The following CREBZF variants were observed in gnomAD, a reference collection of about 807,000 sequenced individuals.
CREBZF encodes CREB/ATF bZIP transcription factor.
A neutral mutation model predicts 21.1 loss-of-function variants in CREBZF; 8 were observed. The observed-to-expected ratio is 0.38, with a 90% CI of 0.22 to 0.68. The LOEUF is 0.68. Ranked by LOEUF, CREBZF falls within the 30% of genes least tolerant of loss-of-function variation. CREBZF has a pLI of 0.51. For missense variants in CREBZF, 518 were observed against 484.3 expected, an observed-to-expected ratio of 1.07 and a Z score of -0.65; for synonymous variants, 270 against 223.3, an observed-to-expected ratio of 1.21 and a Z score of -1.86.
At chr11:85,675,386 C>T (rs1287429408) in intron 1 of CREBZF, among the ~76,000 whole-genome samples, 1 of 152,098 alleles carries the variant, frequency 6.6e-6, no homozygotes, top group Non-Finnish European at 1.5e-5. Flanking sequence ...ATTGTTGTGT[C>T]TCAGGAATAA....
rs971779570 is a variant in CREBZF at position 85,658,819 on chromosome 11, T to C, written c.*4992A>G. Among the ~76,000 whole-genome samples, 4 of 152,036 alleles carry C rather than the reference T, an allele frequency of 2.6e-5. No homozygotes were observed. Among genetic ancestry groups the C allele is most frequent in the African/African-American group, 9.7e-5 (4 of 41,428 alleles). On this transcript the variant is annotated 3_prime_UTR_variant, in exon 1 of 1. Coordinates refer to ENST00000527447, the MANE Select transcript of CREBZF (RefSeq NM_001039618.4). ...CTAAAGGAAGTTGAGATAAATAAAA[T>C]TCAAATCAGTGTATTAACAGAACTA...
At chr11:85,676,712 C>T (rs1591492055) in intron 1 of CREBZF, among the ~76,000 whole-genome samples, 2 of 151,754 alleles carry the variant, frequency 1.3e-5, no homozygotes, top group African/African-American at 2.4e-5. Context: ...ACATGGCTCA[C>T]TGCAGCCTCG....
intron 1 of CREBZF, among the ~76,000 whole-genome samples, chr11:85,682,096 G>C (rs1051844967): frequency 1.3e-5 from 2 of 152,190 alleles, no homozygotes; most frequent in Non-Finnish European, 2.9e-5. Flanking sequence ...GACAGCAACA[G>C]TGAGCATTAA....
Position 85,660,532 on chromosome 11 carries a change from T to A in CREBZF, c.*3279A>T. On this transcript the variant is annotated 3_prime_UTR_variant, in exon 1 of 1. Transcript: ENST00000527447. ...ACCGACATGGTTCTCACAATTACTT[T>A]GTTACCAACAGTCCAGTCAGTTAAC... The A allele has an allele frequency of 2.3e-6, 1 of 434,680 alleles. No individual in the cohort carries two copies. Among genetic ancestry groups the A allele is most frequent in the African/African-American group, 2.1e-5 (1 of 48,388 alleles). 26.9% of individuals were successfully genotyped at this position (434,680 alleles called of 1,614,324 possible).
rs562471032 is a variant in CREBZF, at chr11:85,665,114, G to T, written c.-239C>A. The stretch of plus-strand genomic sequence containing the variant: ...GACTCGACCGCGCCACCCAGACAAC[G>T]GCGTAGCCGGAAGTCAGTGGTTTTC... On this transcript the variant is annotated 5_prime_UTR_variant, in exon 1 of 1. Transcript: ENST00000527447. The T allele has an allele frequency of 1.2e-5, 5 of 416,590 alleles. No individual in the cohort carries two copies. The highest frequency in any genetic ancestry group is 1.2e-4 in the South Asian group (1 of 8,664). The allele number at this position is 416,590 out of a possible 1,614,324, so 25.8% of individuals were successfully genotyped here.
chr11:85,660,286 A>G lies in CREBZF; in HGVS notation c.*3525T>C. The G allele has an allele frequency of 5.6e-6, 1 of 179,240 alleles. No homozygotes were observed. Among genetic ancestry groups the G allele is most frequent in the Non-Finnish European group, 1.2e-5 (1 of 84,146 alleles). 11.1% of individuals were successfully genotyped at this position (179,240 alleles called of 1,614,324 possible). On this transcript the variant is annotated 3_prime_UTR_variant, in exon 1 of 1. Coordinates refer to ENST00000527447, the MANE Select transcript of CREBZF (RefSeq NM_001039618.4). ...ATACTGTAATTCTCCAAAGGTTACA[A>G]TTTTGTAAAGATATGCAATAACTGA...
In CREBZF at chr11:85,664,855, C is replaced by T. The variant is rs1318377433; in HGVS notation, c.21G>A (p.Lys7=). MRHSLT[K]LLAASGSNSP... ...AGTTGCTGCCCGAGGCTGCCAGCAG[C>T]TTGGTCAGGCTATGCCTCATGAGGG... Residue 7 remains lysine, a synonymous_variant, in exon 1 of 1, where the codon AAG becomes AAA. Transcript: ENST00000527447. The surrounding 1 kb of genome is among the most constrained non-coding windows in gnomAD (Gnocchi z 5.5). The T allele has an allele frequency of 2.0e-6, 3 of 1,520,554 alleles. No homozygotes were observed. Among genetic ancestry groups the T allele is most frequent in the African/African-American group, 2.8e-5 (2 of 71,806 alleles). The allele number at this position is 1,520,554 out of a possible 1,614,324, so 94.2% of individuals were successfully genotyped here.
At position 85,682,733 on chromosome 11, in the gene CREBZF, C is replaced by T. The variant is rs2082985546; in HGVS notation, n.131G>A. On this transcript the variant is annotated non_coding_transcript_exon_variant, in exon 1 of 4. Coordinates refer to the CREBZF transcript ENST00000531515. ...GATTCATACCCAAACGGCCCTCAGC[C>T]CGCTTCCAGAACCGTCCGGCCTCTG... 8.6e-6 allele frequency: 6 copies of T among 696,874 alleles called. No individual in the cohort carries two copies. The African/African-American group carries it at 8.8e-5, about 10-fold the overall frequency. 43.2% of individuals were successfully genotyped at this position (696,874 alleles called of 1,614,324 possible).
intron 1 of CREBZF, among the ~76,000 whole-genome samples, chr11:85,674,231 T>C (rs1742939543): frequency 6.6e-6 from 1 of 152,240 alleles, no homozygotes. Context: ...ATTTCAAAGT[T>C]GAAGTAACTC....
At chr11:85,678,750 G>T (rs1375629849) in intron 1 of CREBZF, among the ~76,000 whole-genome samples, 1 of 152,120 alleles carries the variant, frequency 6.6e-6, no homozygotes, top group Non-Finnish European at 1.5e-5. Context: ...CTTCCTTACT[G>T]AAGATTTTAG....
In CREBZF at chr11:85,658,102, A is replaced by G. The variant is rs769786838; in HGVS notation, c.*5709T>C. 6.6e-6 allele frequency among the ~76,000 whole-genome samples: 1 copy of G among 152,048 alleles called. No individual in the cohort carries two copies. The highest frequency in any genetic ancestry group is 1.5e-5 in the Non-Finnish European group (1 of 67,870). On this transcript the variant is annotated 3_prime_UTR_variant, in exon 1 of 1. Coordinates refer to ENST00000527447, the MANE Select transcript of CREBZF (RefSeq NM_001039618.4). Reference sequence around the variant, plus strand: ...ATATTCTGTCACTTTTACTAAAAGCAGAGTTCTACTCATCCCAGTGAAAAA... The same window carrying G: ...ATATTCTGTCACTTTTACTAAAAGCGGAGTTCTACTCATCCCAGTGAAAAA...
chr11:85,675,532 T>C (rs1039028836), intron 1 of CREBZF, among the ~76,000 whole-genome samples: 3 of 152,020 alleles, frequency 2.0e-5, no homozygotes, highest in Non-Finnish European at 4.4e-5. Context: ...ACAATAGTAG[T>C]ATGAAAGATC....
chr11:85,664,422 C>T lies in CREBZF; in HGVS notation c.454G>A (p.Ala152Thr), dbSNP rs368639707. Reference sequence around the variant, plus strand: ...GAGAAGCGCTGCATTTCAGCAGCCGCGGCCTCATCGTCATCGTCCCCTCTC... The same window carrying T: ...GAGAAGCGCTGCATTTCAGCAGCCGTGGCCTCATCGTCATCGTCCCCTCTC... ...LWRGDDDDEA[A>T]AAEMQRFSDL... is the part of the protein sequence containing the mutation. The change falls in exon 1 of 1, where the codon GCG (alanine) becomes ACG (threonine). Residue 152 changes from alanine to threonine, a missense_variant. Physicochemically the swap from Ala to Thr is moderately conservative, Grantham distance 58. This residue lies in a region of CREBZF where 396 missense variants were observed against 324.4 expected (regional missense o/e 1.22). Transcript: ENST00000527447. The surrounding 1 kb of genome is among the most constrained non-coding windows in gnomAD (Gnocchi z 5.5). 7 of 1,613,650 alleles carry T rather than the reference C, an allele frequency of 4.3e-6. No homozygotes were observed. The highest frequency in any genetic ancestry group is 2.7e-5 in the African/African-American group (2 of 74,926).
chr11:85,665,005 C>A lies in CREBZF; in HGVS notation c.-130G>T. 1 of 577,100 alleles carries A rather than the reference C, an allele frequency of 1.7e-6. No individual in the cohort carries two copies. The highest frequency in any genetic ancestry group is 5.6e-5 in the South Asian group (1 of 17,878). The allele number at this position is 577,100 out of a possible 1,614,324, so 35.7% of individuals were successfully genotyped here. A position where few individuals can be genotyped will look rare whatever the true frequency, so the allele number is the denominator to read the frequency against. Reference sequence around the variant, plus strand: ...ACGAAATGCAGGGAAAGGTCCGAGTCGCCTCCCGCCTCACTTGGCTAGTCG... The same window carrying A: ...ACGAAATGCAGGGAAAGGTCCGAGTAGCCTCCCGCCTCACTTGGCTAGTCG... On this transcript the variant is annotated 5_prime_UTR_variant, in exon 1 of 1. Transcript: ENST00000527447.
chr11:85,677,117 C>T (rs2082948041), intron 1 of CREBZF, among the ~76,000 whole-genome samples: 1 of 151,828 alleles, frequency 6.6e-6, no homozygotes, highest in Admixed American at 6.6e-5. Context: ...GCGCCAGCCA[C>T]CACAACTGGC....
In CREBZF at chr11:85,662,175, G is replaced by A; in HGVS notation, c.*1636C>T. ...GCACTGGAAACCAAAGACCAATTCA[G>A]GTCTCAAATCGTATTATCTAGCAAC... On this transcript the variant is annotated 3_prime_UTR_variant, in exon 1 of 1. Transcript: ENST00000527447. 1.9e-6 allele frequency: 1 copy of A among 520,454 alleles called. No individual in the cohort carries two copies. 32.2% of individuals were successfully genotyped at this position (520,454 alleles called of 1,614,324 possible).
chr11:85,676,461 TGAG>T (rs772014302), intron 1 of CREBZF, among the ~76,000 whole-genome samples: 6 of 152,158 alleles, frequency 3.9e-5, no homozygotes, highest in African/African-American at 7.2e-5. Flanking sequence ...TGACACAAAA[TGAG>T]GAGAATAGTA....
chr11:85,664,190 A>G lies in CREBZF; in HGVS notation c.686T>C (p.Val229Ala). 6.2e-7 allele frequency: 1 copy of G among 1,612,864 alleles called. No homozygotes were observed. The highest frequency in any genetic ancestry group is 8.5e-7 in the Non-Finnish European group (1 of 1,179,916). Reference protein sequence around the residue: ...RLNRLKKKEYVMGLESRVRGL... With the variant: ...RLNRLKKKEYAMGLESRVRGL... ...CCGGACTCGACTCTCCAGCCCCATC[A>G]CGTACTCCTTCTTCTTCAGTCGATT... Residue 229 changes from valine to alanine, a missense_variant, in exon 1 of 1, where the codon GTG (valine) becomes GCG (alanine). By Grantham distance (64) the Val-to-Ala change is moderately conservative. This residue lies in a region of CREBZF where 396 missense variants were observed against 324.4 expected (regional missense o/e 1.22). Coordinates refer to ENST00000527447, the MANE Select transcript of CREBZF (RefSeq NM_001039618.4). The surrounding 1 kb of genome is among the most constrained non-coding windows in gnomAD (Gnocchi z 5.5).
intron 1 of CREBZF, among the ~76,000 whole-genome samples, chr11:85,675,902 A>G (rs1241945232): frequency 1.3e-5 from 2 of 152,130 alleles, no homozygotes; most frequent in Non-Finnish European, 2.9e-5. Flanking sequence ...TGTCTAGGGC[A>G]CTGTTGGATT....
Sources: gnomAD v4.1 joint callset for allele counts (sites outside exome capture counted in the v4.1 genomes callset) on GRCh38, gnomAD v4.1.1 for gene constraint, gnomAD v4.1.1 regional missense constraint, Gnocchi (gnomAD v3.1) non-coding constraint, MANE v1.5 for transcripts, NCBI Gene and HGNC (gene_info 2026-07-23, HGNC 2026-07-21) for gene names.